The following PRTG variants were observed in gnomAD, a reference collection of about 807,000 sequenced individuals.
The protein encoded by PRTG is immunoglobulin superfamily, DCC subclass, member 5.
Under a neutral mutation model 122.5 loss-of-function variants are expected in PRTG, and 67 were observed. The observed-to-expected ratio is 0.55, with a 90% CI of 0.45 to 0.67. The LOEUF (loss-of-function observed/expected upper bound fraction) is 0.67, where lower values mean the gene tolerates loss of function less well. Among genes scored for constraint, PRTG ranks in the 30% least tolerant of loss-of-function variants. The probability of loss-of-function intolerance (pLI) is 0.00; values close to 1 mark genes in which losing one functional copy is unlikely to be tolerated. For synonymous variants in PRTG, 554 were observed against 501.1 expected, an observed-to-expected ratio of 1.11 and a Z score of -1.41; for missense variants, 1,435 against 1,415.4, an observed-to-expected ratio of 1.01 and a Z score of -0.22.
At chr15:55,629,419 GTGTGTGTGTGTGTGTGTAA>G in intron 15 of PRTG, among the ~76,000 whole-genome samples, 2 of 134,614 alleles carry the variant, frequency 1.5e-5, no homozygotes, top group African/African-American at 6.2e-5. Context: ...GTGTGTGTGT[GTGTGTGTGTGTGTGTGTAA>G]TGTTTTACTC....
At chr15:55,727,939 A>G (rs903017978) in intron 2 of PRTG, among the ~76,000 whole-genome samples, 1 of 152,172 alleles carries the variant, frequency 6.6e-6, no homozygotes, top group Admixed American at 6.5e-5. Context: ...ATCTTGGCTC[A>G]CTATAACTTC....
chr15:55,731,420 G>A (rs1254439886), intron 2 of PRTG, among the ~76,000 whole-genome samples: 7 of 131,858 alleles, frequency 5.3e-5, no homozygotes, highest in African/African-American at 2.0e-4. Flanking sequence ...GCCCAGGTTG[G>A]AGTACAACGG....
At chr15:55,694,629 G>C (rs1196118473) in intron 2 of PRTG, among the ~76,000 whole-genome samples, 1 of 152,116 alleles carries the variant, frequency 6.6e-6, no homozygotes, top group African/African-American at 2.4e-5. Flanking sequence ...TTCCTAGCAA[G>C]TATTTGCTTT....
At chr15:55,678,424 T>G (rs966213706) in intron 7 of PRTG, among the ~76,000 whole-genome samples, 4 of 152,176 alleles carry the variant, frequency 2.6e-5, no homozygotes, top group Admixed American at 2.0e-4. Flanking sequence ...TTTGTAATTT[T>G]TTGTAGAGAC....
intron 11 of PRTG, among the ~76,000 whole-genome samples, chr15:55,662,993 T>C (rs1678003277): frequency 6.6e-6 from 1 of 152,180 alleles, no homozygotes; most frequent in African/African-American, 2.4e-5. Context: ...CAACCCAATA[T>C]GATAAAAAGT....
chr15:55,713,121 TA>T (rs1265879540), intron 2 of PRTG, among the ~76,000 whole-genome samples: 1 of 124,806 alleles, frequency 8.0e-6, no homozygotes, highest in Non-Finnish European at 1.8e-5. Flanking sequence ...AAACAACCAC[TA>T]TTTTCAACTT....
chr15:55,625,519 A>G (rs1366966021), intron 17 of PRTG, among the ~76,000 whole-genome samples: 2 of 151,452 alleles, frequency 1.3e-5, no homozygotes, highest in Non-Finnish European at 2.9e-5. Context: ...TGCTACGATC[A>G]TAGCTCACTG....
chr15:55,656,292 G>T, intron 11 of PRTG: 1 of 448,416 alleles, frequency 2.2e-6, no homozygotes, highest in South Asian at 1.6e-5. Flanking sequence ...ATTTCCAGTT[G>T]AGCTGTTTTG....
intron 2 of PRTG, among the ~76,000 whole-genome samples, chr15:55,693,801 A>G (rs1354394863): frequency 6.6e-6 from 1 of 152,140 alleles, no homozygotes; most frequent in Non-Finnish European, 1.5e-5. Flanking sequence ...TACCTAGTAA[A>G]CTCCTAGCAG....
intron 2 of PRTG, 89 bp from the exon 3 acceptor site, chr15:55,684,020 G>T: frequency 8.8e-7 from 1 of 1,138,828 alleles, no homozygotes; most frequent in Non-Finnish European, 1.2e-6. Flanking sequence ...TATTGGACTT[G>T]AACCCTTGCT....
intron 8 of PRTG, among the ~76,000 whole-genome samples, chr15:55,676,689 T>C (rs1567094868): frequency 6.6e-6 from 1 of 152,196 alleles, no homozygotes; most frequent in Non-Finnish European, 1.5e-5. Flanking sequence ...AAAAGCCTTG[T>C]TCCATTCCTG....
At chr15:55,723,847 G>C (rs2030927224) in intron 2 of PRTG, among the ~76,000 whole-genome samples, 1 of 150,502 alleles carries the variant, frequency 6.6e-6, no homozygotes, top group South Asian at 2.1e-4. Flanking sequence ...CACCTCCCAG[G>C]TTCAAGCGAT....
chr15:55,738,685 G>GA (rs2031512728), intron 2 of PRTG: 1 of 297,192 alleles, frequency 3.4e-6, no homozygotes, highest in Non-Finnish European at 6.2e-6. Flanking sequence ...ATTACTCCAT[G>GA]AAAAAAATAA....
intron 2 of PRTG, among the ~76,000 whole-genome samples, chr15:55,732,117 G>C (rs1490495243): frequency 6.6e-6 from 1 of 152,232 alleles, no homozygotes; most frequent in Non-Finnish European, 1.5e-5. Flanking sequence ...TCATCTTATA[G>C]AACAGAACCA....
At chr15:55,670,582 T>C (rs2059463745) in intron 11 of PRTG, among the ~76,000 whole-genome samples, 3 of 152,206 alleles carry the variant, frequency 2.0e-5, no homozygotes, top group Admixed American at 1.3e-4. Context: ...GTGAAACATA[T>C]GTAATTTCTC....
intron 16 of PRTG, 131 bp downstream of exon 16, chr15:55,628,691 G>T: frequency 1.5e-6 from 1 of 675,526 alleles, no homozygotes. Context: ...AACATCAGAA[G>T]CTCATCAGCA....
At chr15:55,656,367 G>A (rs889037114) in intron 11 of PRTG, 5 of 455,084 alleles carry the variant, frequency 1.1e-5, no homozygotes, top group Non-Finnish European at 2.2e-5. Flanking sequence ...AAACATTTTT[G>A]ACAAGAATAC....
chr15:55,699,859 G>A (rs2059652370), intron 2 of PRTG, among the ~76,000 whole-genome samples: 1 of 152,092 alleles, frequency 6.6e-6, no homozygotes. Flanking sequence ...CAAAATATAC[G>A]AAAACAAGAA....
intron 2 of PRTG, among the ~76,000 whole-genome samples, chr15:55,720,040 C>T (rs985562739): frequency 1.3e-5 from 2 of 149,238 alleles, no homozygotes; most frequent in Non-Finnish European, 3.0e-5. Context: ...GCCTGGGCAA[C>T]GAGAGTGAAA....
Sources: gnomAD v4.1 joint callset for allele counts (sites outside exome capture counted in the v4.1 genomes callset) on GRCh38, gnomAD v4.1.1 for gene constraint, MANE v1.5 for transcripts, NCBI Gene and HGNC (gene_info 2026-07-23, HGNC 2026-07-21) for gene names.